The following PCNA variants were observed in gnomAD, a reference collection of about 807,000 sequenced individuals.
The protein encoded by PCNA is proliferating cell nuclear antigen.
Under a neutral mutation model 27.8 loss-of-function variants are expected in PCNA, and 4 were observed. The observed-to-expected ratio is 0.14, with a 90% confidence interval of 0.07 to 0.33. PCNA has a LOEUF of 0.33. Among genes scored for constraint, PCNA ranks in the 10% least tolerant of loss-of-function variants. The pLI, the probability that PCNA is intolerant of heterozygous loss-of-function variation, is 1.00. For missense variants in PCNA, 165 were observed against 327.4 expected, an observed-to-expected ratio of 0.50 and a Z score of 3.83; for synonymous variants, 121 against 119.4, an observed-to-expected ratio of 1.01 and a Z score of -0.09.
At chr20:5,119,548 G>A (rs2090501873) in intron 1 of PCNA, 30 bp downstream of exon 1, 2 of 1,584,308 alleles carry the variant, frequency 1.3e-6, no homozygotes, top group East Asian at 4.5e-5. Context: ...AGGCGGGCCG[G>A]GGCCGGCTTC....
chr20:5,118,230 C>A (rs1460032883), intron 3 of PCNA, among the ~76,000 whole-genome samples: 1 of 152,216 alleles, frequency 6.6e-6, no homozygotes, highest in East Asian at 1.9e-4. Flanking sequence ...TTGAAACATG[C>A]ACCAGTAGAT....
intron 3 of PCNA, among the ~76,000 whole-genome samples, 181 bp from the exon 4 acceptor site, chr20:5,117,845 A>G (rs1316558070): frequency 6.6e-6 from 1 of 152,262 alleles, no homozygotes; most frequent in African/African-American, 2.4e-5. Context: ...TATTAAATGC[A>G]CCATCCAGGG....
intron 3 of PCNA, 32 bp downstream of exon 3, chr20:5,118,578 A>G (rs1292369726): frequency 2.8e-6 from 4 of 1,424,306 alleles, no homozygotes; most frequent in Non-Finnish European, 4.0e-6. Context: ...GCCTGTGTAC[A>G]GCACTCTCTA....
chr20:5,126,220 G>GAACA (rs72048383), intron 1 of PCNA, among the ~76,000 whole-genome samples: 3 of 149,444 alleles, frequency 2.0e-5, no homozygotes, highest in Admixed American at 6.7e-5. Context: ...ACAAACAAAC[G>GAACA]AACAAACAAA....
intron 4 of PCNA, 121 bp downstream of exon 4, chr20:5,117,349 T>A: frequency 1.5e-6 from 1 of 681,574 alleles, no homozygotes; most frequent in Non-Finnish European, 2.5e-6. Flanking sequence ...TTCAACAGTA[T>A]CTCAATTTTC....
upstream of PCNA, among the ~76,000 whole-genome samples, chr20:5,122,674 T>C (rs1260002774): frequency 6.6e-6 from 1 of 152,236 alleles, no homozygotes; most frequent in Admixed American, 6.5e-5. Flanking sequence ...CTCAGTTCCT[T>C]TGCAAAATGT....
upstream of PCNA, among the ~76,000 whole-genome samples, chr20:5,121,961 CTTTTTT>C (rs10712799): frequency 1.4e-5 from 2 of 143,464 alleles, no homozygotes; most frequent in African/African-American, 2.6e-5. Context: ...CTTAGAATTT[CTTTTTT>C]TTTTTCTTTT....
At chr20:5,122,945 T>TA (rs2090526126), upstream of PCNA, among the ~76,000 whole-genome samples, 1 of 152,200 alleles carries the variant, frequency 6.6e-6, no homozygotes, top group African/African-American at 2.4e-5. Context: ...GGTGTACAGT[T>TA]ACGTAAATTT....
Position 5,118,610 on chromosome 20 carries a change from T to C in PCNA, c.387A>G (p.Pro129=). ...MDLDVEQLGI[P]EQEYSCVVKM... ...TCTACAATGAGAAACTGATACTCAC[T>C]GGAATTCCAAGTTGTTCAACATCTA... is the stretch of plus-strand genomic sequence containing the variant. Residue 129 remains proline, a splice_region_variant and synonymous_variant, in exon 3 of 6, where the codon CCA becomes CCG. Transcript: ENST00000379143. The C allele has an allele frequency of 1.3e-6, 2 of 1,599,434 alleles. No individual in the cohort carries two copies. Among genetic ancestry groups the C allele is most frequent in the Non-Finnish European group, 1.7e-6 (2 of 1,167,230 alleles).
chr20:5,126,542 T>C (rs2090550174), exon 1 of PCNA: 1 of 152,306 alleles, frequency 6.6e-6, no homozygotes, highest in Non-Finnish European at 1.5e-5. Context: ...CAAGCATTTG[T>C]CAGGCTAGAG....
chr20:5,118,922 T>G (rs1313846599), intron 1 of PCNA, 56 bp from the exon 2 acceptor site: 2 of 1,260,960 alleles, frequency 1.6e-6, no homozygotes, highest in Non-Finnish European at 1.2e-6. Context: ...AAGGGCTGTA[T>G]TTCGAACGCG....
chr20:5,119,429 C>CA, intron 1 of PCNA, 149 bp downstream of exon 1: 1 of 663,970 alleles, frequency 1.5e-6, no homozygotes, highest in Non-Finnish European at 2.5e-6. Flanking sequence ...ACCGCGCGCT[C>CA]AGCTGGGCCC....
At chr20:5,125,841 A>G (rs1319167146) in intron 1 of PCNA, among the ~76,000 whole-genome samples, 4 of 152,202 alleles carry the variant, frequency 2.6e-5, no homozygotes, top group Non-Finnish European at 1.5e-5. Flanking sequence ...AAGTACTTAC[A>G]ATGGATGTGT....
At chr20:5,119,541 C>CGGGCCG (rs1287569036) in intron 1 of PCNA, 37 bp downstream of exon 1, 7 of 1,552,064 alleles carry the variant, frequency 4.5e-6, no homozygotes, top group Non-Finnish European at 6.2e-6. Context: ...GAGGTGCAGG[C>CGGGCCG]GGGCCGGGGC....
intron 1 of PCNA, 114 bp downstream of exon 1, chr20:5,119,464 G>A (rs1162269151): frequency 2.4e-6 from 2 of 832,254 alleles, no homozygotes; most frequent in East Asian, 2.7e-5. Context: ...GCAGGCCAAT[G>A]AGAAGGCGCG....
intron 1 of PCNA, 30 bp from the exon 2 acceptor site, chr20:5,118,896 T>A (rs751564717): frequency 9.5e-6 from 14 of 1,468,680 alleles, no homozygotes; most frequent in African/African-American, 1.4e-5. Flanking sequence ...TGCTTTAAAA[T>A]CAACGCCGTC....
In PCNA at chr20:5,119,598, G is replaced by C. The variant is rs138777990; in HGVS notation, c.201C>G (p.Ala67=). ...FDTYRCDRNL[A]MGVNLTSMSK... Reference sequence around the variant, plus strand: ...CTCACCTGGTGAGGTTCACGCCCATGGCCAGGTTGCGGTCGCAGCGGTAGG... The same window carrying C: ...CTCACCTGGTGAGGTTCACGCCCATCGCCAGGTTGCGGTCGCAGCGGTAGG... Residue 67 remains alanine (A), a synonymous_variant, in exon 1 of 6, where the codon GCC becomes GCG. Transcript: ENST00000379143. 3.1e-6 allele frequency: 5 copies of C among 1,612,934 alleles called. No individual in the cohort carries two copies. The highest frequency in any genetic ancestry group is 4.2e-6 in the Non-Finnish European group (5 of 1,179,856).
At chr20:5,119,554 G>A in intron 1 of PCNA, 24 bp downstream of exon 1, 2 of 1,593,076 alleles carry the variant, frequency 1.3e-6, no homozygotes, top group Middle Eastern at 2.1e-4. Flanking sequence ...GCCGGGGCCG[G>A]CTTCCCGGGG....
intron 4 of PCNA, among the ~76,000 whole-genome samples, chr20:5,116,571 A>G (rs1326420881): frequency 6.6e-6 from 1 of 152,210 alleles, no homozygotes; most frequent in Non-Finnish European, 1.5e-5. Flanking sequence ...CTTTAATGCT[A>G]CCGTATTTAA....
Sources: allele counts gnomAD v4.1 joint callset (sites outside exome capture counted in the v4.1 genomes callset), GRCh38; gene constraint gnomAD v4.1.1; transcripts MANE v1.5; gene names NCBI Gene and HGNC (gene_info 2026-07-23, HGNC 2026-07-21).